Variants in LNX1 observed in about 807,000 individuals in gnomAD.
LNX1 encodes E3 ubiquitin-protein ligase LNX.
LNX1 carries 54 observed loss-of-function variants against 68.4 expected under a neutral mutation model. The ratio of observed to expected loss-of-function variants is 0.79; its 90% CI spans 0.63 to 0.99. The LOEUF (loss-of-function observed/expected upper bound fraction) is 0.99, where lower values mean the gene tolerates loss of function less well. LNX1 is among the 50% of genes least tolerant of loss of function. The pLI is 0.00. For synonymous variants in LNX1, 336 were observed against 350.0 expected (o/e 0.96, Z 0.45); for missense variants, 906 against 926.4 (o/e 0.98, Z 0.29).
rs188874525 is a variant in LNX1, at chr4:53,578,866, G to A, written c.-86-4778C>T. On this transcript the variant is annotated intron_variant, in intron 1 of 10. Coordinates refer to ENST00000263925, the MANE Select transcript of LNX1 (RefSeq NM_001126328.3). ...CTACATGAATAGAAACAGATTATGA[G>A]ATAATTGACTGAACAAGCAGTTTTG... Among the ~76,000 whole-genome samples, 463 of 152,190 alleles carry A rather than the reference G, an allele frequency of 3.0e-3. 1 individual carries two copies. The highest frequency in any genetic ancestry group is 0.014 in the Middle Eastern group (4 of 294).
chr4:53,490,552 A>G (rs1182649996), intron 6 of LNX1, among the ~76,000 whole-genome samples: 2 of 152,220 alleles, frequency 1.3e-5, no homozygotes, highest in Non-Finnish European at 2.9e-5. Flanking sequence ...CAACATATGT[A>G]AAGCTGGTCA....
upstream of LNX1, among the ~76,000 whole-genome samples, chr4:53,617,960 A>G (rs1733740162): frequency 6.6e-6 from 1 of 152,072 alleles, no homozygotes; most frequent in South Asian, 2.1e-4. Flanking sequence ...TATATTAACA[A>G]TTATTTTCTC....
chr4:53,492,204 C>T (rs1724732118), intron 6 of LNX1, among the ~76,000 whole-genome samples: 1 of 152,060 alleles, frequency 6.6e-6, no homozygotes, highest in South Asian at 2.1e-4. Context: ...GTAGAATTGA[C>T]AGTGAAGAGC....
chr4:53,471,660 T>A (rs1243941471), intron 9 of LNX1, among the ~76,000 whole-genome samples: 2 of 151,488 alleles, frequency 1.3e-5, no homozygotes, highest in Non-Finnish European at 2.9e-5. Flanking sequence ...AAAAACCCCA[T>A]CAAAAAGTGG....
chr4:53,467,778 A>G (rs1478928183), intron 9 of LNX1, among the ~76,000 whole-genome samples: 1 of 152,202 alleles, frequency 6.6e-6, no homozygotes, highest in Non-Finnish European at 1.5e-5. Context: ...AAGCGAGAAG[A>G]GAAGTTTAGA....
intron 1 of LNX1, among the ~76,000 whole-genome samples, chr4:53,650,370 C>T (rs1205572298): frequency 6.6e-6 from 1 of 152,150 alleles, no homozygotes; most frequent in Admixed American, 6.5e-5. Context: ...CGGAGGGCAT[C>T]TGCATGGGCA....
chr4:53,518,615 T>TC (rs1459293777), intron 2 of LNX1, among the ~76,000 whole-genome samples: 1 of 152,196 alleles, frequency 6.6e-6, no homozygotes, highest in Non-Finnish European at 1.5e-5. Context: ...AGGAGGGTCC[T>TC]ATTATACTCC....
chr4:53,652,154 C>T (rs1330911288), intron 1 of LNX1: 1 of 151,978 alleles, frequency 6.6e-6, no homozygotes, highest in Non-Finnish European at 1.5e-5. Context: ...GGTGGAGGAA[C>T]CGGGCCATCT....
chr4:53,566,429 T>G (rs535458689), intron 2 of LNX1, among the ~76,000 whole-genome samples: 1 of 151,556 alleles, frequency 6.6e-6, no homozygotes, highest in Non-Finnish European at 1.5e-5. Flanking sequence ...AAGAAAATAC[T>G]TTACAGACAA....
At chr4:53,537,443 C>T (rs1728452382) in intron 2 of LNX1, among the ~76,000 whole-genome samples, 1 of 152,182 alleles carries the variant, frequency 6.6e-6, no homozygotes, top group East Asian at 1.9e-4. Flanking sequence ...TTTCTTCTAC[C>T]AACAGGTGGC....
At chr4:53,506,513 C>T (rs1020082628) in intron 4 of LNX1, among the ~76,000 whole-genome samples, 4 of 152,052 alleles carry the variant, frequency 2.6e-5, no homozygotes, top group African/African-American at 9.7e-5. Flanking sequence ...GTAATTTGAG[C>T]AACCTAAGTA....
At chr4:53,524,782 T>G (rs1858389) in intron 2 of LNX1, among the ~76,000 whole-genome samples, 145,696 of 152,258 alleles carry the variant, frequency 0.96, 70,064 homozygotes, top group Middle Eastern at 1. Context: ...CTGAGGAATT[T>G]AACATCCAGC....
chr4:53,533,361 C>A (rs1310068114), intron 2 of LNX1, among the ~76,000 whole-genome samples: 1 of 152,172 alleles, frequency 6.6e-6, no homozygotes, highest in Non-Finnish European at 1.5e-5. Flanking sequence ...CATTCTTAAT[C>A]AGGGGCAATT....
At chr4:53,496,766 C>A (rs1725094573) in intron 5 of LNX1, among the ~76,000 whole-genome samples, 1 of 152,202 alleles carries the variant, frequency 6.6e-6, no homozygotes, top group African/African-American at 2.4e-5. Context: ...CCATTTGCCT[C>A]AGTCAAATGA....
chr4:53,525,597 C>A (rs1174073834), intron 2 of LNX1, among the ~76,000 whole-genome samples: 1 of 152,156 alleles, frequency 6.6e-6, no homozygotes, highest in African/African-American at 2.4e-5. Flanking sequence ...GGCCATCATC[C>A]CCCATAAAGA....
chr4:53,528,070 GTCTC>G (rs754222898), intron 2 of LNX1, among the ~76,000 whole-genome samples: 4 of 152,152 alleles, frequency 2.6e-5, no homozygotes, highest in Non-Finnish European at 5.9e-5. Context: ...TTTCCAGTCT[GTCTC>G]CTAAAATTCT....
intron 4 of LNX1, among the ~76,000 whole-genome samples, chr4:53,501,585 ATC>A (rs1455807852): frequency 1.3e-5 from 2 of 152,134 alleles, no homozygotes; most frequent in South Asian, 2.1e-4. Context: ...GCCCAGACCC[ATC>A]TCTGTCTTTT....
chr4:53,593,434 G>A (rs1052101162), upstream of LNX1, among the ~76,000 whole-genome samples: 1 of 152,190 alleles, frequency 6.6e-6, no homozygotes, highest in African/African-American at 2.4e-5. Flanking sequence ...CCTGGAGATC[G>A]TGAGGTTTCA....
At chr4:53,476,063 G>A (rs996314010) in intron 9 of LNX1, among the ~76,000 whole-genome samples, 35 of 152,108 alleles carry the variant, frequency 2.3e-4, no homozygotes, top group East Asian at 7.7e-4. Context: ...TTGCCAGGCC[G>A]AGGCAGGCAG....
Sources: allele counts gnomAD v4.1 joint callset (sites outside exome capture counted in the v4.1 genomes callset), GRCh38; gene constraint gnomAD v4.1.1; transcripts MANE v1.5; gene names NCBI Gene and HGNC (gene_info 2026-07-23, HGNC 2026-07-21).